The following RAB37 variants were observed in gnomAD, a reference collection of about 807,000 sequenced individuals.
RAB37 encodes RAB37, member RAS oncogene family.
In RAB37, 29 loss-of-function variants were observed where a neutral mutation model predicts 33.1. The ratio of observed to expected loss-of-function variants is 0.88; its 90% CI spans 0.65 to 1.20. RAB37 has a LOEUF of 1.20. RAB37 is among the 50% of genes most tolerant of loss of function. The probability of loss-of-function intolerance (pLI) is 0.00; values close to 1 mark genes in which losing one functional copy is unlikely to be tolerated. For synonymous variants in RAB37, 128 were observed against 119.5 expected (o/e 1.07, Z -0.47); for missense variants, 299 against 301.1 (o/e 0.99, Z 0.05).
upstream of RAB37, chr17:74,737,038 C>T: frequency 6.2e-7 from 1 of 1,607,416 alleles, no homozygotes. Flanking sequence ...GCGCACGGAG[C>T]CGAGCCGGTG....
chr17:74,744,738 C>A lies in RAB37; in HGVS notation c.433-135C>A. ...GAGCTACACTGGGCAGAAACCCTGG[C>A]CCCAGGCCAATCACACCTGCCTGCA... On this transcript the variant is annotated intron_variant, in intron 6 of 8. Coordinates refer to ENST00000392613, the MANE Select transcript of RAB37 (RefSeq NM_001006638.3). The surrounding 1 kb of genome is among the most constrained non-coding windows in gnomAD (Gnocchi z 4.2). 1 of 1,048,130 alleles carries A rather than the reference C, an allele frequency of 9.5e-7. No individual in the cohort carries two copies. The highest frequency in any genetic ancestry group is 1.5e-6 in the Non-Finnish European group (1 of 676,976). 64.9% of individuals were successfully genotyped at this position (1,048,130 alleles called of 1,614,324 possible).
chr17:74,714,482 A>G (rs749963411), intron 1 of RAB37, among the ~76,000 whole-genome samples: 2 of 151,732 alleles, frequency 1.3e-5, no homozygotes, highest in Non-Finnish European at 2.9e-5. Flanking sequence ...GCAGGGAACT[A>G]CTGGCCCACT....
intron 1 of RAB37, among the ~76,000 whole-genome samples, chr17:74,723,413 C>T (rs2034266517): frequency 6.6e-6 from 1 of 151,450 alleles, no homozygotes; most frequent in African/African-American, 2.4e-5. Flanking sequence ...CTTGAACTGC[C>T]TTCTCGTACT....
chr17:74,671,344 C>G lies in RAB37; in HGVS notation c.-243C>G. ...AGGATCTCAGAACTCTGGTCCCGGG[C>G]GCACAACGGCGGAGTCGCTGTTCCT... On this transcript the variant is annotated 5_prime_UTR_variant, in exon 1 of 8. Coordinates refer to the RAB37 transcript ENST00000340415. This position sits in a 1 kb window ranked among gnomAD's most constrained non-coding sequence, Gnocchi z 5.0. 1 of 534,462 alleles carries G rather than the reference C, an allele frequency of 1.9e-6. No homozygotes were observed. Among genetic ancestry groups the G allele is most frequent in the Admixed American group, 3.1e-5 (1 of 32,726 alleles). 33.1% of individuals were successfully genotyped at this position (534,462 alleles called of 1,614,324 possible). A position where few individuals can be genotyped will look rare whatever the true frequency, so the allele number is the denominator to read the frequency against.
chr17:74,712,414 C>T (rs933845468), intron 1 of RAB37, among the ~76,000 whole-genome samples: 12 of 152,134 alleles, frequency 7.9e-5, no homozygotes, highest in African/African-American at 2.4e-4. Context: ...CCTCTTCCCT[C>T]CTTTCAAAGT....
At chr17:74,717,630 T>C (rs1163136575) in intron 1 of RAB37, among the ~76,000 whole-genome samples, 2 of 151,086 alleles carry the variant, frequency 1.3e-5, no homozygotes, top group Non-Finnish European at 3.0e-5. Flanking sequence ...CTAACCAACA[T>C]AGAGAAACCC....
At chr17:74,674,552 C>T (rs1294490797) in intron 1 of RAB37, among the ~76,000 whole-genome samples, 1 of 152,094 alleles carries the variant, frequency 6.6e-6, no homozygotes, top group Admixed American at 6.5e-5. Context: ...GTAACACACT[C>T]CTATAATCTC....
At chr17:74,706,384 G>A (rs1377803060) in intron 1 of RAB37, among the ~76,000 whole-genome samples, 11 of 146,210 alleles carry the variant, frequency 7.5e-5, no homozygotes, top group African/African-American at 1.8e-4. Context: ...CCCTGTATCC[G>A]GAATCTTTCA....
In RAB37 at chr17:74,744,158, C is replaced by A; in HGVS notation, c.367-150C>A. 3 of 704,170 alleles carry A rather than the reference C, an allele frequency of 4.3e-6. No homozygotes were observed. Among genetic ancestry groups the A allele is most frequent in the Non-Finnish European group, 6.9e-6 (3 of 432,548 alleles). 43.6% of individuals were successfully genotyped at this position (704,170 alleles called of 1,614,324 possible). On this transcript the variant is annotated intron_variant, in intron 5 of 8. Coordinates refer to ENST00000392613, the MANE Select transcript of RAB37 (RefSeq NM_001006638.3). This position sits in a 1 kb window ranked among gnomAD's most constrained non-coding sequence, Gnocchi z 4.2. The stretch of plus-strand genomic sequence containing the variant: ...GAGCCACCAAGGAAGGCCATCCAGG[C>A]CTGGATGGGCCAGAACAAAGGTACA...
chr17:74,714,492 T>G (rs552665633), intron 1 of RAB37, among the ~76,000 whole-genome samples: 1 of 151,462 alleles, frequency 6.6e-6, no homozygotes, highest in Non-Finnish European at 1.5e-5. Flanking sequence ...ACTGGCCCAC[T>G]GACAAGAGGC....
intron 1 of RAB37, among the ~76,000 whole-genome samples, chr17:74,672,157 CT>C (rs1197423496): frequency 6.6e-6 from 1 of 152,206 alleles, no homozygotes; most frequent in East Asian, 1.9e-4. Context: ...CTCACAGCCC[CT>C]GTAAGCATTT....
At chr17:74,728,615 G>C (rs1362943487) in intron 1 of RAB37, among the ~76,000 whole-genome samples, 1 of 151,458 alleles carries the variant, frequency 6.6e-6, no homozygotes, top group Non-Finnish European at 1.5e-5. Context: ...GTTTATGTGT[G>C]TGTGCCTCTG....
chr17:74,695,842 C>T lies in RAB37; in HGVS notation c.72+24184C>T, dbSNP rs199561996. The T allele has an allele frequency of 6.8e-6, 11 of 1,613,890 alleles. No homozygotes were observed. The East Asian group carries it at 1.8e-4, about 26-fold the overall frequency. ...TCAGGTCTGCATAGCAGAGGTCGCC[C>T]TCCAGGGGCTGCAGTACCTGGGACA... On this transcript the variant is annotated intron_variant, in intron 1 of 7. Transcript: ENST00000340415.
At position 74,729,224 on chromosome 17, in the gene RAB37, C is replaced by G. The variant is rs1395790410; in HGVS notation, c.73-32C>G. The stretch of plus-strand genomic sequence containing the variant: ...CTCTGAGGCCAACTCACATCACAGG[C>G]CCTCAGCTCTCTCTCTATTGTTCCC... On this transcript the variant is annotated intron_variant, in intron 1 of 7. Coordinates refer to the RAB37 transcript ENST00000340415. The surrounding 1 kb of genome is among the most constrained non-coding windows in gnomAD (Gnocchi z 4.2). 2.6e-6 allele frequency: 4 copies of G among 1,522,946 alleles called. No homozygotes were observed. The highest frequency in any genetic ancestry group is 1.1e-5 in the South Asian group (1 of 89,312). 94.3% of individuals were successfully genotyped at this position (1,522,946 alleles called of 1,614,324 possible).
chr17:74,692,585 C>T (rs2032180925), intron 1 of RAB37, among the ~76,000 whole-genome samples: 1 of 152,142 alleles, frequency 6.6e-6, no homozygotes, highest in South Asian at 2.1e-4. Context: ...AGCTCGTCAT[C>T]TCTTCCCAAG....
chr17:74,703,249 T>C (rs1281371125), intron 1 of RAB37: 5 of 815,854 alleles, frequency 6.1e-6, no homozygotes, highest in Non-Finnish European at 9.9e-6. Context: ...TCTGGACTGC[T>C]ACTATGGGAA....
Position 74,729,298 on chromosome 17 carries a change from C to A in RAB37, c.115C>A (p.Leu39Met). ...CAGTGGTGTGGGAAAGACGTCTCTG[C>A]TGGTTCAGTTCGATCAGGGCAAGTT... Residue 39 changes from leucine to methionine, a missense_variant, in exon 2 of 8, where the codon CTG becomes ATG. Coordinates refer to the RAB37 transcript ENST00000340415. This position sits in a 1 kb window ranked among gnomAD's most constrained non-coding sequence, Gnocchi z 4.2. 6.2e-7 allele frequency: 1 copy of A among 1,614,066 alleles called. No individual in the cohort carries two copies. The highest frequency in any genetic ancestry group is 8.5e-7 in the Non-Finnish European group (1 of 1,180,006).
intron 1 of RAB37, chr17:74,704,386 A>C (rs1256870712): frequency 1.1e-6 from 1 of 919,976 alleles, no homozygotes; most frequent in Non-Finnish European, 1.7e-6. Context: ...GTGATAGATC[A>C]CTCAGTGACA....
At chr17:74,683,945 G>C (rs1234495731) in intron 1 of RAB37, among the ~76,000 whole-genome samples, 2 of 152,178 alleles carry the variant, frequency 1.3e-5, no homozygotes, top group African/African-American at 4.8e-5. Flanking sequence ...AAGGTGGGTG[G>C]GTGGGCAAGT....
Sources: allele counts gnomAD v4.1 joint callset (sites outside exome capture counted in the v4.1 genomes callset), GRCh38; gene constraint gnomAD v4.1.1; non-coding constraint Gnocchi (gnomAD v3.1); transcripts MANE v1.5; gene names NCBI Gene and HGNC (gene_info 2026-07-23, HGNC 2026-07-21).